Variants in PCBP3 observed in about 807,000 individuals in gnomAD.
PCBP3 encodes poly(rC) binding protein 3.
A neutral mutation model predicts 52.7 loss-of-function variants in PCBP3; 25 were observed. That is an observed-to-expected ratio of 0.47 (90% CI 0.35 to 0.66). PCBP3 has a LOEUF of 0.66. Among genes scored for constraint, PCBP3 ranks in the 30% least tolerant of loss-of-function variants. The pLI is 0.01. For synonymous variants in PCBP3, 162 were observed against 183.0 expected, an observed-to-expected ratio of 0.89 and a Z score of 0.93; for missense variants, 391 against 490.3, an observed-to-expected ratio of 0.80 and a Z score of 1.91.
intron 15 of PCBP3, among the ~76,000 whole-genome samples, chr21:45,933,486 A>G (rs1311161026): frequency 1.3e-5 from 2 of 152,248 alleles, no homozygotes; most frequent in East Asian, 3.8e-4. Flanking sequence ...TATTCATCTA[A>G]GGTCTACTTT....
At position 45,924,996 on chromosome 21, in the gene PCBP3, A is replaced by G. The variant is rs759010673; in HGVS notation, c.718-4921A>G. ...TGTGGGTAGAAACAGCACACGTAAG[A>G]TCGGGTGTGCACGAGGAGATGCGAA... is the stretch of plus-strand genomic sequence containing the variant. On this transcript the variant is annotated intron_variant, in intron 13 of 17. Transcript: ENST00000681687. Among the ~76,000 whole-genome samples the G allele has an allele frequency of 9.3e-4, 70 of 75,124 alleles. 5 individuals are homozygous for G. The highest frequency in any genetic ancestry group is 4.2e-3 in the African/African-American group (47 of 11,314). 49.3% of individuals were successfully genotyped at this position (75,124 alleles called of 152,430 possible).
At position 45,664,028 on chromosome 21, in the gene PCBP3, T is replaced by TTC. The variant is rs2080605852; in HGVS notation, c.-278-4845_-278-4844insCT. Reference sequence around the variant, plus strand: ...TGTTTTTCTTTTTTTTTCTTTTTTTTTTTTTAACTGTTTCCAACTTTTATT... The same window carrying TTC: ...TGTTTTTCTTTTTTTTTCTTTTTTTTTCTTTTTAACTGTTTCCAACTTTTATT... On this transcript the variant is annotated intron_variant, in intron 1 of 17. Coordinates refer to ENST00000681687, the MANE Select transcript of PCBP3 (RefSeq NM_001384156.1). 2.7e-5 allele frequency among the ~76,000 whole-genome samples: 4 copies of TTC among 149,220 alleles called. No individual in the cohort carries two copies. In the South Asian group the frequency reaches 8.4e-4, roughly 32 times the overall value.
At chr21:45,774,078 C>A (rs529824209) in intron 4 of PCBP3, among the ~76,000 whole-genome samples, 20 of 152,166 alleles carry the variant, frequency 1.3e-4, no homozygotes, top group African/African-American at 4.8e-4. Context: ...GATTTTGTAT[C>A]CTGCAACTTA....
At chr21:45,795,085 G>A (rs963661445) in intron 4 of PCBP3, among the ~76,000 whole-genome samples, 1 of 152,206 alleles carries the variant, frequency 6.6e-6, no homozygotes, top group Non-Finnish European at 1.5e-5. Flanking sequence ...AATCCTCTAA[G>A]AAGATACGAT....
chr21:45,824,503 C>G (rs571929166), intron 4 of PCBP3, among the ~76,000 whole-genome samples: 2 of 152,196 alleles, frequency 1.3e-5, no homozygotes, highest in Non-Finnish European at 2.9e-5. Flanking sequence ...AGATTTCTCC[C>G]GTTGGGATTG....
rs76392650 is a variant in PCBP3 at position 45,819,235 on chromosome 21, G to A, written c.-125-30726G>A. Among the ~76,000 whole-genome samples, 646 of 152,182 alleles carry A rather than the reference G, an allele frequency of 4.2e-3. 8 individuals carry two copies. The highest frequency in any genetic ancestry group is 0.015 in the African/African-American group (616 of 41,504). On this transcript the variant is annotated intron_variant, in intron 4 of 17. Coordinates refer to ENST00000681687, the MANE Select transcript of PCBP3 (RefSeq NM_001384156.1). ...GGTGGCGGGCTGTGGGGGATGGGCC[G>A]TGGGGGATGGGGGTATATAGGAAAT...
chr21:45,666,002 CAG>C (rs1312364105), intron 1 of PCBP3, among the ~76,000 whole-genome samples: 1 of 152,058 alleles, frequency 6.6e-6, no homozygotes, highest in Non-Finnish European at 1.5e-5. Flanking sequence ...ACCACATAAA[CAG>C]AATTAAAAAC....
At chr21:45,868,153 T>C (rs2094826576) in intron 5 of PCBP3, among the ~76,000 whole-genome samples, 1 of 152,240 alleles carries the variant, frequency 6.6e-6, no homozygotes, top group Non-Finnish European at 1.5e-5. Context: ...ATGCCTGGGT[T>C]TTGAAATCAA....
At chr21:45,808,496 C>T (rs2092582910) in intron 4 of PCBP3, among the ~76,000 whole-genome samples, 1 of 152,202 alleles carries the variant, frequency 6.6e-6, no homozygotes, top group Non-Finnish European at 1.5e-5. Flanking sequence ...GAGATACCAT[C>T]TCACATCAGT....
intron 4 of PCBP3, among the ~76,000 whole-genome samples, chr21:45,764,269 T>A (rs185823329): frequency 6.6e-6 from 1 of 152,240 alleles, no homozygotes; most frequent in East Asian, 1.9e-4. Flanking sequence ...ATTACAGGCA[T>A]GCGCCACCAC....
chr21:45,914,594 G>C (rs1340635154), intron 12 of PCBP3: 1 of 155,422 alleles, frequency 6.4e-6, no homozygotes, highest in African/African-American at 2.4e-5. Context: ...CTGCAGATCT[G>C]GCTCTTTTGG....
At chr21:45,892,601 G>C (rs1253942598) in intron 5 of PCBP3, among the ~76,000 whole-genome samples, 4 of 152,176 alleles carry the variant, frequency 2.6e-5, no homozygotes, top group African/African-American at 9.7e-5. Context: ...CTGTGCGGCA[G>C]GTCCAGCCAA....
chr21:45,768,880 A>T (rs1028415493), intron 4 of PCBP3, among the ~76,000 whole-genome samples: 2 of 152,206 alleles, frequency 1.3e-5, no homozygotes, highest in Non-Finnish European at 2.9e-5. Context: ...TCTCCACGAC[A>T]GGCACCTCTG....
rs368651138 is a variant in PCBP3, at chr21:45,829,218, G to C, written c.-125-20743G>C. 1 of 152,258 alleles carries C rather than the reference G, an allele frequency of 6.6e-6. No individual in the cohort carries two copies. The highest frequency in any genetic ancestry group is 1.5e-5 in the Non-Finnish European group (1 of 68,090). 9.4% of individuals were successfully genotyped at this position (152,258 alleles called of 1,614,324 possible). A position where few individuals can be genotyped will look rare whatever the true frequency, so the allele number is the denominator to read the frequency against. ...GGCCAGGGCTCTGGATGGGCCCCAC[G>C]TGGTGGGGGCCTTCAGATTCTCTGA... On this transcript the variant is annotated intron_variant, in intron 4 of 17. Transcript: ENST00000681687. This position sits in a 1 kb window ranked among gnomAD's most constrained non-coding sequence, Gnocchi z 5.2.
chr21:45,916,382 C>T (rs1403897765), intron 12 of PCBP3: 1 of 152,264 alleles, frequency 6.6e-6, no homozygotes, highest in Non-Finnish European at 1.5e-5. Context: ...CCTGCTCTAT[C>T]TGATAAGATT....
chr21:45,925,396 TAAAA>T (rs1569503552), intron 13 of PCBP3, among the ~76,000 whole-genome samples: 1 of 151,794 alleles, frequency 6.6e-6, no homozygotes, highest in Non-Finnish European at 1.5e-5. Context: ...AGGAGTGAAA[TAAAA>T]AAGAAACTCT....
intron 4 of PCBP3, among the ~76,000 whole-genome samples, chr21:45,764,350 G>A (rs1199704056): frequency 2.0e-5 from 3 of 152,114 alleles, no homozygotes; most frequent in South Asian, 2.1e-4. Context: ...TCGAACTCCC[G>A]ACCTCAGGCA....
intron 13 of PCBP3, among the ~76,000 whole-genome samples, chr21:45,927,343 C>G (rs1169516293): frequency 0.014 from 7 of 486 alleles, no homozygotes; most frequent in African/African-American, 0.024. Flanking sequence ...CTCCCCTCCT[C>G]TCCCTCCCTC....
chr21:45,807,466 A>G (rs993801561), intron 4 of PCBP3, among the ~76,000 whole-genome samples: 1 of 152,164 alleles, frequency 6.6e-6, no homozygotes, highest in African/African-American at 2.4e-5. Flanking sequence ...ACCTAGGAAT[A>G]CAACTTACAG....
Sources: allele counts gnomAD v4.1 joint callset (sites outside exome capture counted in the v4.1 genomes callset), GRCh38; gene constraint gnomAD v4.1.1; non-coding constraint Gnocchi (gnomAD v3.1); transcripts MANE v1.5; gene names NCBI Gene and HGNC (gene_info 2026-07-23, HGNC 2026-07-21).